Variants in COL6A6 observed in about 807,000 individuals in gnomAD.
COL6A6 encodes the protein collagen alpha-6(VI) chain.
COL6A6 carries 183 observed loss-of-function variants against 208.6 expected under a neutral mutation model. That is an observed-to-expected ratio of 0.88 (90% CI 0.78 to 0.99). The LOEUF is 0.99. Among genes scored for constraint, COL6A6 ranks in the 50% least tolerant of loss-of-function variants. The pLI, the probability that COL6A6 is intolerant of heterozygous loss-of-function variation, is 0.00. For missense variants in COL6A6, 2,816 were observed against 2,815.2 expected (o/e 1.00, Z -0.01); for synonymous variants, 973 against 1,011.8 (o/e 0.96, Z 0.73).
intron 1 of COL6A6, among the ~76,000 whole-genome samples, chr3:130,518,631 C>T (rs992639061): frequency 1.3e-5 from 2 of 152,160 alleles, no homozygotes; most frequent in African/African-American, 2.4e-5. Flanking sequence ...CTCAGCCTCG[C>T]GAGTAGCTGG....
chr3:130,618,508 T>C (rs970640046), intron 23 of COL6A6, among the ~76,000 whole-genome samples: 1 of 152,242 alleles, frequency 6.6e-6, no homozygotes, highest in Non-Finnish European at 1.5e-5. Context: ...ATAGCTATTC[T>C]TGATCTCAAG....
Position 130,582,068 on chromosome 3 carries a change from G to A in COL6A6, c.3970G>A (p.Gly1324Ser). ...EQKSDELRKE[G>S]LNALITVALD... The stretch of plus-strand genomic sequence containing the variant: ...AAAATCTGATGAACTTAGAAAAGAA[G>A]GTACTGAGTATGGAGAAGTGGGAAG... Residue 1324 changes from glycine to serine, a missense_variant and splice_region_variant, in exon 10 of 37, where the codon GGC (glycine) becomes AGC (serine). Gly to Ser is a moderately conservative substitution (Grantham distance 56). Coordinates refer to ENST00000358511, the MANE Select transcript of COL6A6 (RefSeq NM_001102608.3). 6.4e-7 allele frequency: 1 copy of A among 1,570,024 alleles called. No individual in the cohort carries two copies. The highest frequency in any genetic ancestry group is 8.7e-7 in the Non-Finnish European group (1 of 1,146,640).
Position 130,574,340 on chromosome 3 carries a change from C to T in COL6A6, c.3362C>T (p.Ala1121Val), listed in dbSNP as rs1003448893. ...DGQSQDEVAQ[A>V]AEALRHRGID... ...CAGTCCCAAGACGAGGTGGCCCAGG[C>T]CGCGGAAGCCCTGAGACACAGAGGT... Residue 1121 changes from alanine (A) to valine (V), a missense_variant, in exon 8 of 37, where the codon GCC becomes GTC. By Grantham distance (64) the Ala-to-Val change is moderately conservative. Coordinates refer to ENST00000358511, the MANE Select transcript of COL6A6 (RefSeq NM_001102608.3). The T allele has an allele frequency of 5.0e-6, 8 of 1,614,008 alleles. No individual in the cohort carries two copies. Among genetic ancestry groups the T allele is most frequent in the Non-Finnish European group, 6.8e-6 (8 of 1,179,902 alleles).
intron 35 of COL6A6, among the ~76,000 whole-genome samples, chr3:130,662,623 T>C (rs996647815): frequency 6.6e-6 from 1 of 152,164 alleles, no homozygotes; most frequent in African/African-American, 2.4e-5. Context: ...GCCTGGACTT[T>C]AGCTACAAAG....
intron 20 of COL6A6, among the ~76,000 whole-genome samples, chr3:130,604,812 G>A (rs1002975154): frequency 2.6e-5 from 4 of 152,232 alleles, no homozygotes; most frequent in Admixed American, 2.0e-4. Flanking sequence ...GCCAGAGGTA[G>A]ATTTTTGAAA....
In COL6A6 at chr3:130,608,763, C is replaced by CCT. The variant is rs2064261717; in HGVS notation, c.4690-139_4690-138insCT. 75 of 310,146 alleles carry CCT rather than the reference C, an allele frequency of 2.4e-4. 2 individuals carry two copies. The highest frequency in any genetic ancestry group is 1.5e-3 in the South Asian group (43 of 27,960). The allele number at this position is 310,146 out of a possible 1,614,324, so 19.2% of individuals were successfully genotyped here. A position where few individuals can be genotyped will look rare whatever the true frequency, so the allele number is the denominator to read the frequency against. ...CTTTGTATTTGCATTTATTTTTCAC[C>CCT]TTTTTTTTTTTTTTTTTTTTTTTTT... On this transcript the variant is annotated intron_variant, in intron 21 of 36. Coordinates refer to ENST00000358511, the MANE Select transcript of COL6A6 (RefSeq NM_001102608.3).
chr3:130,563,260 G>T lies in COL6A6; in HGVS notation c.257G>T (p.Gly86Val). The part of the protein sequence containing the change: ...HSEFHLSTFK[G>V]RSPMLNHLRK... The stretch of plus-strand genomic sequence containing the variant: ...GAATTCCACCTGAGCACCTTCAAAG[G>T]CAGGAGCCCCATGCTGAACCACCTA... The change falls in exon 3 of 37, where the codon GGC becomes GTC. Residue 86 changes from glycine to valine, a missense_variant. Coordinates refer to ENST00000358511, the MANE Select transcript of COL6A6 (RefSeq NM_001102608.3). 1.2e-6 allele frequency: 2 copies of T among 1,613,992 alleles called. No individual in the cohort carries two copies. Among genetic ancestry groups the T allele is most frequent in the South Asian group, 2.2e-5 (2 of 91,078 alleles).
chr3:130,533,267 A>G (rs1231266359), intron 1 of COL6A6, among the ~76,000 whole-genome samples: 2 of 151,598 alleles, frequency 1.3e-5, no homozygotes, highest in Non-Finnish European at 2.9e-5. Context: ...AAAAAAAAAA[A>G]AAAAAGCAAA....
intron 6 of COL6A6, among the ~76,000 whole-genome samples, chr3:130,569,467 G>A (rs1013868515): frequency 1.3e-5 from 2 of 152,108 alleles, no homozygotes; most frequent in African/African-American, 4.8e-5. Flanking sequence ...TGACCCATAG[G>A]GCTTGATGAC....
intron 24 of COL6A6, among the ~76,000 whole-genome samples, chr3:130,625,952 A>G (rs963149982): frequency 2.0e-5 from 3 of 152,148 alleles, no homozygotes; most frequent in Non-Finnish European, 4.4e-5. Flanking sequence ...ACCTTTTTTT[A>G]AAAAGGAGTT....
intron 12 of COL6A6, chr3:130,589,930 T>C: frequency 2.3e-6 from 1 of 442,260 alleles, no homozygotes; most frequent in Non-Finnish European, 4.5e-6. Flanking sequence ...TCTCTGAATA[T>C]GTCTCTGAAA....
rs1158085263 is a variant in COL6A6, at chr3:130,517,221, C to G, written c.-208C>G. Among the ~76,000 whole-genome samples the G allele has an allele frequency of 6.6e-6, 1 of 152,228 alleles. No homozygotes were observed. Among genetic ancestry groups the G allele is most frequent in the Non-Finnish European group, 1.5e-5 (1 of 68,034 alleles). On this transcript the variant is annotated 5_prime_UTR_variant, in exon 1 of 37. Coordinates refer to ENST00000358511, the MANE Select transcript of COL6A6 (RefSeq NM_001102608.3). ...GACACCGGAGTCAAGAGGCTGCCCA[C>G]GCCGCTGCCTGTCCGTTCCACGGTT... is the stretch of plus-strand genomic sequence containing the variant.
chr3:130,658,982 A>G (rs998374696), intron 34 of COL6A6, among the ~76,000 whole-genome samples: 13 of 152,156 alleles, frequency 8.5e-5, no homozygotes, highest in Non-Finnish European at 1.9e-4. Flanking sequence ...ATCCCAGCAA[A>G]AGAGTTGCAT....
At chr3:130,601,137 C>T (rs763924659) in intron 20 of COL6A6, among the ~76,000 whole-genome samples, 35 of 152,018 alleles carry the variant, frequency 2.3e-4, no homozygotes, top group Admixed American at 1.8e-3. Flanking sequence ...TAGGCTGTCT[C>T]GTTTCATTTT....
At chr3:130,549,542 TA>T (rs1368874033) in intron 1 of COL6A6, among the ~76,000 whole-genome samples, 1 of 152,226 alleles carries the variant, frequency 6.6e-6, no homozygotes, top group Non-Finnish European at 1.5e-5. Flanking sequence ...TTCAGTTTTT[TA>T]AATCCATCTT....
intron 1 of COL6A6, among the ~76,000 whole-genome samples, chr3:130,527,152 A>G (rs1241632910): frequency 6.6e-6 from 1 of 152,204 alleles, no homozygotes; most frequent in Non-Finnish European, 1.5e-5. Flanking sequence ...CTCCTAATGG[A>G]TAACTAGTCT....
At chr3:130,570,166 G>A (rs1289713410) in intron 6 of COL6A6, among the ~76,000 whole-genome samples, 1 of 152,196 alleles carries the variant, frequency 6.6e-6, no homozygotes, top group Non-Finnish European at 1.5e-5. Flanking sequence ...TCTGTTCCAT[G>A]GTGCTGACCT....
intron 22 of COL6A6, among the ~76,000 whole-genome samples, chr3:130,609,876 T>C (rs1380510114): frequency 1.3e-5 from 2 of 152,030 alleles, no homozygotes; most frequent in African/African-American, 2.4e-5. Flanking sequence ...CAGTGCACAG[T>C]CTTCCCCTTG....
Position 130,563,424 on chromosome 3 carries a change from T to A in COL6A6, c.421T>A (p.Ser141Thr). 6.2e-7 allele frequency: 1 copy of A among 1,614,000 alleles called. No individual in the cohort carries two copies. Among genetic ancestry groups the A allele is most frequent in the Non-Finnish European group, 8.5e-7 (1 of 1,179,892 alleles). Reference protein sequence around the residue: ...FPPILVVLASSESEDNVEEAS... With the variant: ...FPPILVVLASTESEDNVEEAS... Reference sequence around the variant, plus strand: ...CCCAATTCTAGTGGTCCTGGCTTCATCTGAGTCTGAGGATAATGTGGAAGA... The same window carrying A: ...CCCAATTCTAGTGGTCCTGGCTTCAACTGAGTCTGAGGATAATGTGGAAGA... Residue 141 changes from serine (S) to threonine (T), a missense_variant, in exon 3 of 37, where the codon TCT (serine) becomes ACT (threonine). Ser to Thr is a moderately conservative substitution (Grantham distance 58). Transcript: ENST00000358511.
Sources: gnomAD v4.1 joint callset for allele counts (sites outside exome capture counted in the v4.1 genomes callset) on GRCh38, gnomAD v4.1.1 for gene constraint, MANE v1.5 for transcripts, NCBI Gene and HGNC (gene_info 2026-07-23, HGNC 2026-07-21) for gene names.